SRGAP1: variants seen among roughly 807,000 people sequenced by gnomAD.
SRGAP1 encodes the protein SLIT-ROBO Rho GTPase-activating protein 1.
In SRGAP1, 43 loss-of-function variants were observed where a neutral mutation model predicts 121.9. The ratio of observed to expected loss-of-function variants is 0.35; its 90% confidence interval spans 0.28 to 0.46. The LOEUF is 0.46. Ranked by LOEUF, SRGAP1 falls within the 20% of genes least tolerant of loss-of-function variation. SRGAP1 has a pLI of 1.00. For synonymous variants in SRGAP1, 447 were observed against 485.4 expected, an observed-to-expected ratio of 0.92 and a Z score of 1.04; for missense variants, 1,102 against 1,350.9, an observed-to-expected ratio of 0.82 and a Z score of 2.89.
intron 17 of SRGAP1, among the ~76,000 whole-genome samples, chr12:64,114,322 T>TA (rs2036481953): frequency 6.7e-6 from 1 of 150,366 alleles, no homozygotes; most frequent in Non-Finnish European, 1.5e-5. Context: ...GTACCAAAGA[T>TA]ATGGTTAGCT....
At chr12:64,030,508 A>G (rs779843998) in intron 4 of SRGAP1, among the ~76,000 whole-genome samples, 1 of 152,224 alleles carries the variant, frequency 6.6e-6, no homozygotes, top group African/African-American at 2.4e-5. Flanking sequence ...ATCCTTTTTC[A>G]TTAGTTTTAT....
chr12:64,059,405 G>C (rs976654397), intron 6 of SRGAP1, among the ~76,000 whole-genome samples: 2 of 151,778 alleles, frequency 1.3e-5, no homozygotes, highest in African/African-American at 4.8e-5. Flanking sequence ...TCTCTTTTAA[G>C]TTGTTTAAGA....
chr12:64,157,940 AGAG>A lies in SRGAP1; in HGVS notation c.*15271_*15273del, dbSNP rs1353971250. On this transcript the variant is annotated 3_prime_UTR_variant, in exon 22 of 22. Coordinates refer to ENST00000355086, the MANE Select transcript of SRGAP1 (RefSeq NM_020762.4). Reference sequence around the variant, plus strand: ...CCACCTTAGTACGTGGCCACCATGAAGAGGAAGAGAAAGCACTTGCAATGATGT... The same window carrying A: ...CCACCTTAGTACGTGGCCACCATGAAGAAGAGAAAGCACTTGCAATGATGT... 6.6e-6 allele frequency: 1 copy of A among 152,206 alleles called. No individual in the cohort carries two copies. The highest frequency in any genetic ancestry group is 1.5e-5 in the Non-Finnish European group (1 of 68,064). The allele number at this position is 152,206 out of a possible 1,614,324, so 9.4% of individuals were successfully genotyped here. A position where few individuals can be genotyped will look rare whatever the true frequency, so the allele number is the denominator to read the frequency against.
intron 15 of SRGAP1, among the ~76,000 whole-genome samples, chr12:64,102,817 AT>A (rs1481583053): frequency 3.3e-5 from 5 of 152,198 alleles, no homozygotes; most frequent in Non-Finnish European, 7.3e-5. Context: ...TAAAAATTAT[AT>A]CGTACCAAGT....
intron 3 of SRGAP1, among the ~76,000 whole-genome samples, chr12:63,999,608 G>A (rs1398798831): frequency 6.6e-6 from 1 of 152,098 alleles, no homozygotes; most frequent in Non-Finnish European, 1.5e-5. Context: ...CCAGGCTTGG[G>A]CAGTTGTCAG....
intron 1 of SRGAP1, chr12:63,871,637 C>T: frequency 2.0e-6 from 1 of 492,208 alleles, no homozygotes; most frequent in Admixed American, 3.7e-5. Context: ...TTTCTTTTTT[C>T]TTTTTTTTTT....
intron 3 of SRGAP1, among the ~76,000 whole-genome samples, chr12:64,016,081 A>G (rs1188171181): frequency 6.6e-6 from 1 of 152,020 alleles, no homozygotes; most frequent in African/African-American, 2.4e-5. Context: ...TTTTGTCTTC[A>G]TTGAAAATAA....
intron 3 of SRGAP1, among the ~76,000 whole-genome samples, chr12:64,008,404 C>T (rs2034151874): frequency 6.6e-6 from 1 of 152,102 alleles, no homozygotes; most frequent in African/African-American, 2.4e-5. Flanking sequence ...TTACTTACAT[C>T]CATTGTCAGA....
chr12:64,031,053 C>T (rs1349293937), intron 4 of SRGAP1, among the ~76,000 whole-genome samples: 2 of 152,086 alleles, frequency 1.3e-5, no homozygotes, highest in African/African-American at 4.8e-5. Flanking sequence ...CATGGTGGCT[C>T]ATGCCTGTAA....
intron 1 of SRGAP1, among the ~76,000 whole-genome samples, chr12:63,869,787 C>G (rs937058613): frequency 6.6e-6 from 1 of 152,200 alleles, no homozygotes; most frequent in Non-Finnish European, 1.5e-5. Flanking sequence ...ACCAATATTA[C>G]TTTTGCATCA....
At chr12:63,922,005 T>C (rs1487762536) in intron 1 of SRGAP1, among the ~76,000 whole-genome samples, 2 of 150,792 alleles carry the variant, frequency 1.3e-5, no homozygotes, top group East Asian at 3.9e-4. Context: ...TGAGACTGAG[T>C]CTCACCTCTG....
At chr12:63,873,091 A>G (rs1478770711) in intron 1 of SRGAP1, among the ~76,000 whole-genome samples, 1 of 152,198 alleles carries the variant, frequency 6.6e-6, no homozygotes, top group Non-Finnish European at 1.5e-5. Flanking sequence ...AAGAATAGAC[A>G]GGTAGTGCTA....
intron 15 of SRGAP1, 62 bp from the exon 16 acceptor site, chr12:64,108,870 C>A: frequency 1.7e-6 from 2 of 1,177,052 alleles, no homozygotes; most frequent in Non-Finnish European, 2.5e-6. Flanking sequence ...ACATGTACTG[C>A]AGTGTTCTGT....
intron 3 of SRGAP1, among the ~76,000 whole-genome samples, chr12:63,997,336 G>A (rs1028024207): frequency 5.3e-5 from 8 of 152,036 alleles, no homozygotes; most frequent in Non-Finnish European, 1.5e-5. Flanking sequence ...TATACCATCT[G>A]GATTTGTGTA....
chr12:64,091,284 A>G lies in SRGAP1; in HGVS notation c.1445A>G (p.Asn482Ser). Reference protein sequence around the residue: ...RAEYMTTRPPNVPPKPQKHRK... With the variant: ...RAEYMTTRPPSVPPKPQKHRK... ...ATATTCCCTTCCCTTAGGCCTCCAA[A>G]TGTTCCCCCTAAGCCCCAGAAACAC... The change falls in exon 12 of 22, where the codon AAT becomes AGT. Residue 482 changes from asparagine (N) to serine (S), a missense_variant. By Grantham distance (46) the Asn-to-Ser change is conservative (BLOSUM62 1). Around this residue, in one of 3 missense-constraint regions of SRGAP1, gnomAD observed 747 missense variants for 929.4 expected, o/e 0.80. Coordinates refer to ENST00000355086, the MANE Select transcript of SRGAP1 (RefSeq NM_020762.4). The G allele has an allele frequency of 6.3e-7, 1 of 1,592,596 alleles. No homozygotes were observed. The highest frequency in any genetic ancestry group is 2.3e-5 in the East Asian group (1 of 44,196).
In SRGAP1 at chr12:64,157,052, G is replaced by C. The variant is rs1441715158; in HGVS notation, c.*14380G>C. 1 of 152,160 alleles carries C rather than the reference G, an allele frequency of 6.6e-6. No individual in the cohort carries two copies. Among genetic ancestry groups the C allele is most frequent in the African/African-American group, 2.4e-5 (1 of 41,410 alleles). The allele number at this position is 152,160 out of a possible 1,614,324, so 9.4% of individuals were successfully genotyped here. On this transcript the variant is annotated 3_prime_UTR_variant, in exon 22 of 22. Transcript: ENST00000355086. ...GGGGGCATTCTTGGCAGGAGAAAGG[G>C]TGTTACATGGAAAGATCAGCGATAG...
intron 17 of SRGAP1, among the ~76,000 whole-genome samples, chr12:64,112,575 A>G (rs911117959): frequency 6.6e-6 from 1 of 152,116 alleles, no homozygotes; most frequent in African/African-American, 2.4e-5. Flanking sequence ...CATTCTTTTT[A>G]TTGCTGAATA....
At chr12:63,989,347 C>G (rs995712495) in intron 2 of SRGAP1, among the ~76,000 whole-genome samples, 25 of 152,244 alleles carry the variant, frequency 1.6e-4, no homozygotes, top group African/African-American at 6.0e-4. Context: ...CTTCATGAGC[C>G]TTGAGACAAT....
At chr12:63,955,155 T>C (rs1020562211) in intron 1 of SRGAP1, among the ~76,000 whole-genome samples, 1 of 152,076 alleles carries the variant, frequency 6.6e-6, no homozygotes, top group Non-Finnish European at 1.5e-5. Flanking sequence ...CCATCTCTAC[T>C]AAAAATACAA....
Sources: allele counts gnomAD v4.1 joint callset (sites outside exome capture counted in the v4.1 genomes callset), GRCh38; gene constraint gnomAD v4.1.1; regional missense constraint gnomAD v4.1.1; transcripts MANE v1.5; gene names NCBI Gene and HGNC (gene_info 2026-07-23, HGNC 2026-07-21).